The following ANK3 variants were observed in gnomAD, a reference collection of about 807,000 sequenced individuals.
ANK3 encodes ankyrin-3.
In ANK3, 57 loss-of-function variants were observed where a neutral mutation model predicts 370.9. The observed-to-expected ratio is 0.15, with a 90% CI of 0.12 to 0.19. ANK3 has a LOEUF of 0.19. ANK3 is among the 10% of genes least tolerant of loss of function. ANK3 has a pLI of 1.00. For missense variants in ANK3, 4,439 were observed against 5,302.1 expected (o/e 0.84, Z 5.06); for synonymous variants, 1,929 against 1,946.3 (o/e 0.99, Z 0.23).
chr10:60,361,309 A>C (rs2058574185), intron 1 of ANK3, among the ~76,000 whole-genome samples: 1 of 152,354 alleles, frequency 6.6e-6, no homozygotes, highest in East Asian at 1.9e-4. Flanking sequence ...ATACAATAGT[A>C]TGAGTGAACT....
intron 43 of ANK3, among the ~76,000 whole-genome samples, chr10:60,040,505 C>T (rs1239706259): frequency 6.6e-6 from 1 of 152,134 alleles, no homozygotes; most frequent in African/African-American, 2.4e-5. Flanking sequence ...ACATTGTTTG[C>T]TTTAGCTGAA....
chr10:60,085,509 G>A (rs866397486), intron 30 of ANK3, among the ~76,000 whole-genome samples: 2 of 151,784 alleles, frequency 1.3e-5, no homozygotes, highest in Non-Finnish European at 2.9e-5. Flanking sequence ...ACTAATGAAT[G>A]GCTTAAACTT....
chr10:60,673,026 A>G (rs1442506301), intron 1 of ANK3, among the ~76,000 whole-genome samples: 4 of 130,006 alleles, frequency 3.1e-5, no homozygotes, highest in South Asian at 3.1e-4. Context: ...CAAGCAATAT[A>G]TATTTCTGTA....
At chr10:60,433,623 G>C (rs1038886449) in intron 2 of ANK3, among the ~76,000 whole-genome samples, 8 of 152,066 alleles carry the variant, frequency 5.3e-5, no homozygotes, top group African/African-American at 1.9e-4. Flanking sequence ...GAAAGAAAAA[G>C]AAAAAACAAA....
At chr10:60,163,828 C>T (rs1199421117) in intron 23 of ANK3, among the ~76,000 whole-genome samples, 3 of 152,054 alleles carry the variant, frequency 2.0e-5, no homozygotes, top group Non-Finnish European at 4.4e-5. Context: ...AACTGGCAGC[C>T]TATATTGCTT....
intron 1 of ANK3, among the ~76,000 whole-genome samples, chr10:60,294,431 GC>G (rs2042091045): frequency 6.6e-6 from 1 of 152,108 alleles, no homozygotes; most frequent in South Asian, 2.1e-4. Context: ...TAAAATGTTG[GC>G]CACCAGCTGA....
intron 2 of ANK3, among the ~76,000 whole-genome samples, chr10:60,514,155 G>A (rs1439395626): frequency 2.0e-5 from 3 of 152,090 alleles, no homozygotes; most frequent in South Asian, 2.1e-4. Flanking sequence ...TGCAAAATAT[G>A]TGTTAGTTGA....
intron 1 of ANK3, among the ~76,000 whole-genome samples, chr10:60,324,571 C>T (rs1009210053): frequency 1.3e-5 from 2 of 152,162 alleles, no homozygotes; most frequent in Non-Finnish European, 2.9e-5. Context: ...TCCATGCAAT[C>T]CCTCTAGAAC....
At chr10:60,428,677 GT>G (rs113737292) in intron 2 of ANK3, among the ~76,000 whole-genome samples, 24,038 of 152,196 alleles carry the variant, frequency 0.16, 1,932 homozygotes, top group African/African-American at 0.18. Context: ...TAGGGAATAT[GT>G]TGGGTTTCCC....
At chr10:60,560,552 A>T (rs1448456497) in intron 2 of ANK3, among the ~76,000 whole-genome samples, 1 of 152,216 alleles carries the variant, frequency 6.6e-6, no homozygotes, top group Non-Finnish European at 1.5e-5. Context: ...TTTTAACTTT[A>T]AGACATAGAG....
chr10:60,136,236 G>C (rs1437019937), intron 24 of ANK3, among the ~76,000 whole-genome samples: 1 of 152,066 alleles, frequency 6.6e-6, no homozygotes, highest in East Asian at 1.9e-4. Flanking sequence ...CTATGAAGGG[G>C]ATGTGCTAAA....
At chr10:60,450,523 C>G (rs1178694885) in intron 2 of ANK3, among the ~76,000 whole-genome samples, 1 of 151,914 alleles carries the variant, frequency 6.6e-6, no homozygotes, top group African/African-American at 2.4e-5. Context: ...AGTGGGTTAG[C>G]AGCCCAGCCT....
intron 1 of ANK3, among the ~76,000 whole-genome samples, chr10:60,356,741 C>A (rs992411884): frequency 6.6e-6 from 1 of 152,170 alleles, no homozygotes; most frequent in African/African-American, 2.4e-5. Context: ...TGGAGTCTCA[C>A]TGTGTGACCC....
intron 18 of ANK3, among the ~76,000 whole-genome samples, chr10:60,175,131 C>T (rs977730588): frequency 1.3e-5 from 2 of 152,174 alleles, no homozygotes; most frequent in Non-Finnish European, 2.9e-5. Context: ...TCTAGTCTCC[C>T]CTATCCTCCT....
intron 2 of ANK3, among the ~76,000 whole-genome samples, chr10:60,485,435 T>C (rs1266609354): frequency 1.3e-5 from 2 of 152,186 alleles, no homozygotes; most frequent in Non-Finnish European, 2.9e-5. Flanking sequence ...GTTACAGTCA[T>C]GTGGAAGGGA....
chr10:60,322,355 A>G lies in ANK3; in HGVS notation c.115-42716T>C, dbSNP rs552650848. 3.3e-5 allele frequency among the ~76,000 whole-genome samples: 5 copies of G among 152,310 alleles called. No homozygotes were observed. In the South Asian group the frequency reaches 1.0e-3, roughly 32 times the overall value. On this transcript the variant is annotated intron_variant, in intron 1 of 43. Coordinates refer to ENST00000280772, the MANE Select transcript of ANK3 (RefSeq NM_020987.5). The stretch of plus-strand genomic sequence containing the variant: ...GCAGATTCATTTCAAAGTAGATTTA[A>G]CACCTTTCAGGATCTGGTGTTTAAA...
chr10:60,037,442 T>C (rs994285493), intron 43 of ANK3, among the ~76,000 whole-genome samples: 2 of 152,178 alleles, frequency 1.3e-5, no homozygotes, highest in Non-Finnish European at 2.9e-5. Flanking sequence ...TTTCCTCTCC[T>C]CTCCCCTCTC....
At chr10:60,654,177 C>T (rs1471184442) in intron 1 of ANK3, among the ~76,000 whole-genome samples, 1 of 152,144 alleles carries the variant, frequency 6.6e-6, no homozygotes, top group Non-Finnish European at 1.5e-5. Flanking sequence ...TTATATCCTG[C>T]AACCTTGCCA....
intron 2 of ANK3, among the ~76,000 whole-genome samples, chr10:60,458,693 A>T (rs1316824685): frequency 6.6e-6 from 1 of 152,128 alleles, no homozygotes; most frequent in Non-Finnish European, 1.5e-5. Context: ...CTCAAGTAAA[A>T]ATATCTACCA....
Sources: gnomAD v4.1 joint callset for allele counts (sites outside exome capture counted in the v4.1 genomes callset) on GRCh38, gnomAD v4.1.1 for gene constraint, MANE v1.5 for transcripts, NCBI Gene and HGNC (gene_info 2026-07-23, HGNC 2026-07-21) for gene names.